Variants in FSTL4 observed in about 807,000 individuals in gnomAD.
FSTL4 encodes the protein follistatin like 4.
FSTL4 carries 28 observed loss-of-function variants against 78.2 expected under a neutral mutation model. That is an observed-to-expected ratio of 0.36 (90% CI 0.27 to 0.49). FSTL4 has a LOEUF of 0.49. FSTL4 is among the 20% of genes least tolerant of loss of function. The pLI is 0.98. For synonymous variants in FSTL4, 422 were observed against 440.5 expected (o/e 0.96, Z 0.53); for missense variants, 922 against 1,084.9 (o/e 0.85, Z 2.11).
chr5:133,342,582 C>A (rs1754605078), intron 4 of FSTL4, among the ~76,000 whole-genome samples: 1 of 152,120 alleles, frequency 6.6e-6, no homozygotes, highest in South Asian at 2.1e-4. Flanking sequence ...GGCTGTGTGT[C>A]CCATGAGTCT....
At chr5:133,564,606 G>A (rs1419395579) in intron 3 of FSTL4, among the ~76,000 whole-genome samples, 1 of 152,158 alleles carries the variant, frequency 6.6e-6, no homozygotes, top group Non-Finnish European at 1.5e-5. Context: ...AACCTGATAG[G>A]AGCCCTTCCC....
intron 3 of FSTL4, among the ~76,000 whole-genome samples, chr5:133,446,240 G>A (rs1757262615): frequency 6.6e-6 from 1 of 152,194 alleles, no homozygotes; most frequent in Admixed American, 6.5e-5. Flanking sequence ...AGGAGTTGGA[G>A]ACCAGCCTGG....
At chr5:133,599,184 G>C (rs894167374) in intron 2 of FSTL4, among the ~76,000 whole-genome samples, 2 of 152,202 alleles carry the variant, frequency 1.3e-5, no homozygotes, top group African/African-American at 4.8e-5. Context: ...TCAGTGCTCA[G>C]TCTTAGCAGC....
chr5:133,277,689 T>A (rs958821753), intron 6 of FSTL4, among the ~76,000 whole-genome samples: 1 of 152,086 alleles, frequency 6.6e-6, no homozygotes, highest in African/African-American at 2.4e-5. Context: ...ACTTGCCCCT[T>A]GGGGTGGCCC....
At chr5:133,496,108 C>T (rs1192788132) in intron 3 of FSTL4, among the ~76,000 whole-genome samples, 2 of 152,094 alleles carry the variant, frequency 1.3e-5, no homozygotes, top group Non-Finnish European at 1.5e-5. Context: ...TTCCATCCTC[C>T]GATCGTTCAC....
In FSTL4 at chr5:133,222,148, C is replaced by A. The variant is rs79171296; in HGVS notation, c.1340-1282G>T. 9.7e-3 allele frequency among the ~76,000 whole-genome samples: 1,480 copies of A among 152,140 alleles called. 23 individuals carry two copies. The highest frequency in any genetic ancestry group is 0.033 in the African/African-American group (1,373 of 41,504). On this transcript the variant is annotated intron_variant, in intron 11 of 15. Coordinates refer to ENST00000265342, the MANE Select transcript of FSTL4 (RefSeq NM_015082.2). ...TATGATAAACCTCAGCCGCCTCCAGCGTCTGTGCTGAGACAGGCTCTGGGC... is the reference window on the plus strand; with the variant it reads ...TATGATAAACCTCAGCCGCCTCCAGAGTCTGTGCTGAGACAGGCTCTGGGC...
intron 8 of FSTL4, among the ~76,000 whole-genome samples, chr5:133,231,946 G>A (rs988606506): frequency 2.0e-5 from 3 of 152,194 alleles, no homozygotes; most frequent in Admixed American, 6.5e-5. Flanking sequence ...GAAAGGCAGC[G>A]TAAATAGATC....
chr5:133,395,510 T>G (rs1203360756), intron 4 of FSTL4, among the ~76,000 whole-genome samples: 1 of 152,200 alleles, frequency 6.6e-6, no homozygotes, highest in Non-Finnish European at 1.5e-5. Context: ...GGTCCGCGGC[T>G]TCATTCTCGA....
At chr5:133,531,034 G>A (rs1759240130) in intron 3 of FSTL4, among the ~76,000 whole-genome samples, 1 of 152,222 alleles carries the variant, frequency 6.6e-6, no homozygotes, top group East Asian at 1.9e-4. Flanking sequence ...CTGAAGATGA[G>A]GCTCGGCCCT....
chr5:133,256,070 T>A (rs952735898), intron 6 of FSTL4, among the ~76,000 whole-genome samples: 5 of 152,186 alleles, frequency 3.3e-5, no homozygotes, highest in African/African-American at 9.6e-5. Flanking sequence ...ATTTTTCAAA[T>A]GATGCCATTG....
chr5:133,199,178 T>A lies in FSTL4; in HGVS notation c.2446A>T (p.Ile816Phe), dbSNP rs759632994. ...LTPARESLFL[I>F]NGRQNTLRCE... is the part of the protein sequence containing the mutation. ...CGCAGCGTGTTTTGTCTCCCATTGA[T>A]GAGGAACAGTGACTCTCGGGCTGGT... Residue 816 changes from isoleucine (I) to phenylalanine (F), a missense_variant, in exon 16 of 16, where the codon ATC (isoleucine) becomes TTC (phenylalanine). Physicochemically the swap from Ile to Phe is conservative, Grantham distance 21 (BLOSUM62 0). Coordinates refer to ENST00000265342, the MANE Select transcript of FSTL4 (RefSeq NM_015082.2). This position sits in a 1 kb window ranked among gnomAD's most constrained non-coding sequence, Gnocchi z 4.4. The A allele has an allele frequency of 6.2e-7, 1 of 1,610,474 alleles. No individual in the cohort carries two copies. Among genetic ancestry groups the A allele is most frequent in the East Asian group, 2.2e-5 (1 of 44,746 alleles).
intron 3 of FSTL4, among the ~76,000 whole-genome samples, chr5:133,454,895 C>T (rs533017653): frequency 6.6e-6 from 1 of 152,342 alleles, no homozygotes; most frequent in South Asian, 2.1e-4. Context: ...TCACAGGGGT[C>T]TCCTCATGGC....
At chr5:133,702,137 T>G in the FSTL4 span, among the ~76,000 whole-genome samples, 1 of 152,250 alleles carries the variant, frequency 6.6e-6, no homozygotes, top group East Asian at 1.9e-4. Flanking sequence ...CACTGCAATC[T>G]GATTTGAAGC....
At chr5:133,640,257 G>A in the FSTL4 span, among the ~76,000 whole-genome samples, 30 of 152,170 alleles carry the variant, frequency 2.0e-4, no homozygotes, top group Non-Finnish European at 3.5e-4. Flanking sequence ...GGAGAGATGT[G>A]ATTAATGAGA....
chr5:133,567,216 G>C lies in FSTL4; in HGVS notation c.130C>G (p.Pro44Ala), dbSNP rs1299159657. 1 of 1,606,500 alleles carries C rather than the reference G, an allele frequency of 6.2e-7. No homozygotes were observed. Among genetic ancestry groups the C allele is most frequent in the Non-Finnish European group, 8.5e-7 (1 of 1,173,194 alleles). The change falls in exon 3 of 16, where the codon CCC (proline) becomes GCC (alanine). Residue 44 changes from proline (P) to alanine (A), a missense_variant. By Grantham distance (27) the Pro-to-Ala change is conservative (BLOSUM62 -1). Transcript: ENST00000265342. Reference protein sequence around the residue: ...VGVGESQAEEPRSFEVTRREG... With the variant: ...VGVGESQAEEARSFEVTRREG... ...CTTCTTGTGACTTCAAAGCTTCTGGGCTCCTGCAAGAAAAGAAAGACTTTG... is the reference window on the plus strand; with the variant it reads ...CTTCTTGTGACTTCAAAGCTTCTGGCCTCCTGCAAGAAAAGAAAGACTTTG...
chr5:133,235,159 G>A (rs1393966637), intron 7 of FSTL4, among the ~76,000 whole-genome samples: 7 of 152,116 alleles, frequency 4.6e-5, no homozygotes, highest in Admixed American at 6.5e-5. Flanking sequence ...CAGAGGGCCC[G>A]GCCACAATGG....
At chr5:133,216,010 G>T (rs953846688) in intron 13 of FSTL4, among the ~76,000 whole-genome samples, 7 of 152,140 alleles carry the variant, frequency 4.6e-5, no homozygotes, top group Admixed American at 2.0e-4. Context: ...TGCTATATAA[G>T]GCGACATCCA....
intron 4 of FSTL4, among the ~76,000 whole-genome samples, chr5:133,342,897 T>C (rs151101706): frequency 7.2e-5 from 11 of 152,274 alleles, no homozygotes; most frequent in African/African-American, 2.6e-4. Context: ...GCCTTTCCAA[T>C]AATCTCCCAG....
chr5:133,420,523 G>C (rs1283605452), intron 3 of FSTL4, among the ~76,000 whole-genome samples: 1 of 152,184 alleles, frequency 6.6e-6, no homozygotes, highest in South Asian at 2.1e-4. Flanking sequence ...ACCTGTGCAG[G>C]CTGGCTGGCA....
Sources: gnomAD v4.1 joint callset for allele counts (sites outside exome capture counted in the v4.1 genomes callset) on GRCh38, gnomAD v4.1.1 for gene constraint, Gnocchi (gnomAD v3.1) non-coding constraint, MANE v1.5 for transcripts, NCBI Gene and HGNC (gene_info 2026-07-23, HGNC 2026-07-21) for gene names.